The following LRRTM4 variants were observed in gnomAD, a reference collection of about 807,000 sequenced individuals.
The protein encoded by LRRTM4 is leucine-rich repeat transmembrane neuronal protein 4.
LRRTM4 carries 25 observed loss-of-function variants against 47.6 expected under a neutral mutation model. The observed-to-expected ratio is 0.53, with a 90% CI of 0.38 to 0.73. LRRTM4 has a LOEUF of 0.73. Ranked by LOEUF, LRRTM4 falls within the 30% of genes least tolerant of loss-of-function variation. LRRTM4 has a pLI of 0.00. For synonymous variants in LRRTM4, 311 were observed against 269.5 expected (o/e 1.15, Z -1.51); for missense variants, 638 against 713.4 (o/e 0.89, Z 1.20).
intron 3 of LRRTM4, among the ~76,000 whole-genome samples, chr2:77,476,964 A>ATGTTTGTG (rs1553448912): frequency 7.0e-6 from 1 of 143,798 alleles, no homozygotes; most frequent in Non-Finnish European, 1.6e-5. Context: ...TTTGTAAGAG[A>ATGTTTGTG]TGTGTGTGTG....
chr2:77,120,870 T>C (rs1183944291), intron 3 of LRRTM4, among the ~76,000 whole-genome samples: 1 of 151,882 alleles, frequency 6.6e-6, no homozygotes, highest in African/African-American at 2.4e-5. Flanking sequence ...TTTCTTGTTC[T>C]CTGACAATCT....
intron 3 of LRRTM4, among the ~76,000 whole-genome samples, chr2:77,209,264 T>C (rs543785364): frequency 3.3e-5 from 5 of 152,276 alleles, no homozygotes; most frequent in African/African-American, 4.8e-5. Context: ...ATGCTAGGGC[T>C]CCATGCCTAA....
intron 3 of LRRTM4, among the ~76,000 whole-genome samples, chr2:76,881,925 G>A (rs577222805): frequency 2.6e-5 from 4 of 152,148 alleles, no homozygotes; most frequent in African/African-American, 7.2e-5. Context: ...TCAGAAATAC[G>A]CTGTGAATCT....
At chr2:77,450,591 C>T (rs942398395) in intron 3 of LRRTM4, among the ~76,000 whole-genome samples, 1 of 152,086 alleles carries the variant, frequency 6.6e-6, no homozygotes, top group African/African-American at 2.4e-5. Context: ...TTTGCAACTA[C>T]TATTGTTGCC....
chr2:77,039,330 T>C (rs1190963355), intron 3 of LRRTM4, among the ~76,000 whole-genome samples: 2 of 150,634 alleles, frequency 1.3e-5, no homozygotes, highest in Non-Finnish European at 1.5e-5. Flanking sequence ...GTAAGTCTTT[T>C]TTTTTTTTTA....
At chr2:77,020,718 C>G (rs1678236557) in intron 3 of LRRTM4, among the ~76,000 whole-genome samples, 2 of 152,112 alleles carry the variant, frequency 1.3e-5, no homozygotes, top group African/African-American at 2.4e-5. Flanking sequence ...CAAGTAGATA[C>G]TCTGCTCAAA....
At chr2:77,063,103 T>C (rs558183774) in intron 3 of LRRTM4, among the ~76,000 whole-genome samples, 71 of 151,350 alleles carry the variant, frequency 4.7e-4, no homozygotes, top group East Asian at 4.5e-3. Context: ...TACAGGCACA[T>C]GCCACCATGC....
chr2:76,945,846 T>C (rs925433618), intron 3 of LRRTM4, among the ~76,000 whole-genome samples: 11 of 152,084 alleles, frequency 7.2e-5, no homozygotes, highest in Middle Eastern at 3.4e-3. Context: ...AACTGGTTTA[T>C]GACTTAAAAT....
intron 3 of LRRTM4, among the ~76,000 whole-genome samples, chr2:76,751,510 CAG>C (rs1200931597): frequency 6.6e-6 from 1 of 152,036 alleles, no homozygotes; most frequent in Admixed American, 6.6e-5. Context: ...TCTGTGCTGA[CAG>C]AGAGAGCTAG....
rs114814741 is a variant in LRRTM4, at chr2:77,306,570, G to A, written c.1551+211748C>T. 7.7e-3 allele frequency among the ~76,000 whole-genome samples: 1,168 copies of A among 152,082 alleles called. 12 individuals are homozygous for A. Among genetic ancestry groups the A allele is most frequent in the African/African-American group, 0.027 (1,116 of 41,466 alleles). ...TTGCTGCTTATAAATCCTTAATATC[G>A]CTCTCCTCTTCTTCCTAAAGCGGTT... On this transcript the variant is annotated intron_variant, in intron 3 of 3. Coordinates refer to ENST00000409884, the MANE Select transcript of LRRTM4 (RefSeq NM_001134745.3).
chr2:77,073,708 A>T (rs959671006), intron 3 of LRRTM4, among the ~76,000 whole-genome samples: 1 of 152,084 alleles, frequency 6.6e-6, no homozygotes, highest in African/African-American at 2.4e-5. Context: ...TTCAAATTTC[A>T]TGTTGCAGAA....
intron 3 of LRRTM4, among the ~76,000 whole-genome samples, chr2:77,250,325 A>ATAATGAT (rs1558653357): frequency 2.0e-5 from 3 of 151,926 alleles, no homozygotes; most frequent in Non-Finnish European, 4.4e-5. Flanking sequence ...GTGATAATGA[A>ATAATGAT]TTTCAATATA....
chr2:76,863,545 T>C (rs923081314), intron 3 of LRRTM4, among the ~76,000 whole-genome samples: 2 of 152,270 alleles, frequency 1.3e-5, no homozygotes, highest in African/African-American at 4.8e-5. Context: ...AGGTATAAGA[T>C]ACAAATCCTG....
At chr2:77,219,992 C>A (rs1674573515) in intron 3 of LRRTM4, among the ~76,000 whole-genome samples, 1 of 152,170 alleles carries the variant, frequency 6.6e-6, no homozygotes, top group Non-Finnish European at 1.5e-5. Context: ...CGGCCGGATA[C>A]TCCTCTGAGA....
chr2:77,387,746 A>C (rs769267958), intron 3 of LRRTM4, among the ~76,000 whole-genome samples: 2 of 152,148 alleles, frequency 1.3e-5, no homozygotes, highest in Non-Finnish European at 2.9e-5. Flanking sequence ...CCCTAAAGGC[A>C]ATCATTCTAC....
intron 3 of LRRTM4, among the ~76,000 whole-genome samples, chr2:77,040,092 A>G (rs992891397): frequency 1.3e-4 from 19 of 151,192 alleles, no homozygotes; most frequent in Non-Finnish European, 2.7e-4. Context: ...TATAATAAAA[A>G]CTGTCACCTG....
At chr2:77,319,329 G>T (rs906137538) in intron 3 of LRRTM4, among the ~76,000 whole-genome samples, 5 of 152,056 alleles carry the variant, frequency 3.3e-5, no homozygotes, top group Admixed American at 2.0e-4. Context: ...GGAGGTTGCA[G>T]TGAGCCGAGA....
chr2:76,893,272 A>T (rs917038322), intron 3 of LRRTM4, among the ~76,000 whole-genome samples: 35 of 151,676 alleles, frequency 2.3e-4, no homozygotes, highest in Non-Finnish European at 4.4e-5. Flanking sequence ...CATACAAGAA[A>T]TTCTAATTTT....
chr2:77,275,969 ATAAC>A (rs565813441), intron 3 of LRRTM4, among the ~76,000 whole-genome samples: 120 of 152,264 alleles, frequency 7.9e-4, no homozygotes, highest in African/African-American at 2.7e-3. Context: ...GCTTCAGGAA[ATAAC>A]TAATTTTCAA....
Sources: allele counts gnomAD v4.1 joint callset (sites outside exome capture counted in the v4.1 genomes callset), GRCh38; gene constraint gnomAD v4.1.1; transcripts MANE v1.5; gene names NCBI Gene and HGNC (gene_info 2026-07-23, HGNC 2026-07-21).